Variants in ADARB2 observed in about 807,000 individuals in gnomAD.
ADARB2 encodes the protein inactive double-stranded RNA-specific editase B2.
A neutral mutation model predicts 62.2 loss-of-function variants in ADARB2; 25 were observed. The ratio of observed to expected loss-of-function variants is 0.40; its 90% CI spans 0.29 to 0.56. The LOEUF (loss-of-function observed/expected upper bound fraction) is 0.56, where lower values mean the gene tolerates loss of function less well. ADARB2 is among the 20% of genes least tolerant of loss of function. The pLI is 0.43. For missense variants in ADARB2, 1,071 were observed against 1,077.4 expected (o/e 0.99, Z 0.08); for synonymous variants, 572 against 500.8 (o/e 1.14, Z -1.90).
chr10:1,208,080 G>C (rs574156818), intron 7 of ADARB2, among the ~76,000 whole-genome samples: 8 of 152,318 alleles, frequency 5.3e-5, no homozygotes, highest in Non-Finnish European at 1.0e-4. Context: ...TGGCTTTGCA[G>C]GTCAATTCTT....
chr10:1,639,757 A>G (rs992236701), intron 1 of ADARB2, among the ~76,000 whole-genome samples: 2 of 152,104 alleles, frequency 1.3e-5, no homozygotes, highest in African/African-American at 4.8e-5. Context: ...CAGGGGAATC[A>G]CTTGAACCCA....
intron 1 of ADARB2, among the ~76,000 whole-genome samples, chr10:1,644,321 C>T (rs1399713642): frequency 6.6e-6 from 1 of 152,260 alleles, no homozygotes; most frequent in Non-Finnish European, 1.5e-5. Context: ...CCATTGCCAC[C>T]AAGCTCCCCC....
At chr10:1,471,355 G>A (rs1057238298) in intron 1 of ADARB2, among the ~76,000 whole-genome samples, 2 of 152,104 alleles carry the variant, frequency 1.3e-5, no homozygotes, top group Admixed American at 6.5e-5. Context: ...TTTATTTGGT[G>A]GGGGGCCGGG....
In ADARB2 at chr10:1,379,054, G is replaced by A. The variant is rs375721001; in HGVS notation, c.187+20C>T. On this transcript the variant is annotated intron_variant, in intron 2 of 9. Coordinates refer to ENST00000381312, the MANE Select transcript of ADARB2 (RefSeq NM_018702.4). ...GGATACAGGGGCCTTTGTGTACTTC[G>A]GGGAAGGGAAGTTGCTTACTGAGGG... is the stretch of plus-strand genomic sequence containing the variant. 9.4e-6 allele frequency: 15 copies of A among 1,600,258 alleles called. No individual in the cohort carries two copies. The highest frequency in any genetic ancestry group is 8.0e-5 in the African/African-American group (6 of 74,562).
At chr10:1,712,609 TA>T in intron 1 of ADARB2, among the ~76,000 whole-genome samples, 1 of 140,182 alleles carries the variant, frequency 7.1e-6, no homozygotes, top group Non-Finnish European at 1.5e-5. Context: ...AAACCACCAT[TA>T]CTTTTTTTTT....
intron 7 of ADARB2, among the ~76,000 whole-genome samples, chr10:1,207,833 C>T (rs1428565795): frequency 6.6e-6 from 1 of 152,194 alleles, no homozygotes; most frequent in Non-Finnish European, 1.5e-5. Flanking sequence ...TTTTTATATG[C>T]CGCTCAATGT....
chr10:1,464,073 C>T (rs1015122577), intron 1 of ADARB2, among the ~76,000 whole-genome samples: 30 of 152,048 alleles, frequency 2.0e-4, no homozygotes, highest in Non-Finnish European at 4.0e-4. Flanking sequence ...GGGCCAGGAC[C>T]GCCACACACA....
chr10:1,200,348 C>T, intron 7 of ADARB2: 1 of 692,066 alleles, frequency 1.4e-6, no homozygotes, highest in South Asian at 1.6e-5. Flanking sequence ...CTGGGCTCCA[C>T]AGGCCCATGT....
chr10:1,199,604 T>C, intron 8 of ADARB2: 1 of 220,666 alleles, frequency 4.5e-6, no homozygotes, highest in Non-Finnish European at 8.8e-6. Flanking sequence ...TTCCTCAGCA[T>C]CGCCTCCTGT....
intron 3 of ADARB2, among the ~76,000 whole-genome samples, chr10:1,351,331 C>T (rs1020768962): frequency 3.9e-5 from 6 of 152,108 alleles, no homozygotes; most frequent in East Asian, 1.9e-4. Context: ...CGGAGGCTAC[C>T]CACTCCACAT....
At chr10:1,551,974 G>A (rs933259694) in intron 1 of ADARB2, among the ~76,000 whole-genome samples, 14 of 152,196 alleles carry the variant, frequency 9.2e-5, no homozygotes, top group South Asian at 2.1e-4. Flanking sequence ...CCAGGGGGGC[G>A]GAGTGAGGTG....
rs74119534 is a variant in ADARB2, at chr10:1,346,754, T to C, written c.1077+16274A>G. On this transcript the variant is annotated intron_variant, in intron 3 of 9. Coordinates refer to ENST00000381312, the MANE Select transcript of ADARB2 (RefSeq NM_018702.4). Reference sequence around the variant, plus strand: ...CAGCAGGCCGGGAGCCAGGCCCATGTCAGGCGAGGGCACGTGGGTCCTTGC... The same window carrying C: ...CAGCAGGCCGGGAGCCAGGCCCATGCCAGGCGAGGGCACGTGGGTCCTTGC... Among the ~76,000 whole-genome samples the C allele has an allele frequency of 9.8e-3, 1,497 of 152,380 alleles. 25 individuals are homozygous for C. The highest frequency in any genetic ancestry group is 0.034 in the African/African-American group (1,428 of 41,594).
chr10:1,379,515 T>C (rs761008525), intron 1 of ADARB2, among the ~76,000 whole-genome samples: 4 of 152,336 alleles, frequency 2.6e-5, no homozygotes, highest in Admixed American at 6.5e-5. Context: ...TTCACAGAGA[T>C]GGGCTAAAAC....
chr10:1,459,771 G>C (rs1472409916), intron 1 of ADARB2, among the ~76,000 whole-genome samples: 3 of 152,134 alleles, frequency 2.0e-5, no homozygotes, highest in Non-Finnish European at 2.9e-5. Context: ...CAAAAAAAAA[G>C]AATGATGAAG....
intron 1 of ADARB2, among the ~76,000 whole-genome samples, chr10:1,448,447 A>G (rs1018454037): frequency 6.6e-6 from 1 of 152,178 alleles, no homozygotes; most frequent in Non-Finnish European, 1.5e-5. Flanking sequence ...CAACCTATTC[A>G]GCATAGAGCT....
intron 1 of ADARB2, among the ~76,000 whole-genome samples, chr10:1,564,189 C>T (rs1455125861): frequency 6.6e-6 from 1 of 152,144 alleles, no homozygotes; most frequent in Non-Finnish European, 1.5e-5. Flanking sequence ...AGTTCTAGAT[C>T]CCTGAGGAAT....
At chr10:1,505,507 A>G (rs1831833861) in intron 1 of ADARB2, among the ~76,000 whole-genome samples, 1 of 151,842 alleles carries the variant, frequency 6.6e-6, no homozygotes. Context: ...ACTCACATCC[A>G]CACACATCTT....
At chr10:1,570,881 G>A (rs939486040) in intron 1 of ADARB2, among the ~76,000 whole-genome samples, 3 of 152,052 alleles carry the variant, frequency 2.0e-5, no homozygotes, top group Non-Finnish European at 4.4e-5. Context: ...GGAAACCGGA[G>A]GACTTGAGTG....
intron 3 of ADARB2, among the ~76,000 whole-genome samples, chr10:1,271,675 C>T (rs919363420): frequency 9.8e-5 from 15 of 152,352 alleles, no homozygotes; most frequent in Non-Finnish European, 1.8e-4. Context: ...TGTGCCCCTG[C>T]ACACCCCTTA....
Sources: gnomAD v4.1 joint callset for allele counts (sites outside exome capture counted in the v4.1 genomes callset) on GRCh38, gnomAD v4.1.1 for gene constraint, MANE v1.5 for transcripts, NCBI Gene and HGNC (gene_info 2026-07-23, HGNC 2026-07-21) for gene names.